The following ADGRV1 variants were observed in gnomAD, a reference collection of about 807,000 sequenced individuals.
ADGRV1 encodes the protein G-protein coupled receptor 98.
A neutral mutation model predicts 596.2 loss-of-function variants in ADGRV1; 359 were observed. The ratio of observed to expected loss-of-function variants is 0.60; its 90% CI spans 0.55 to 0.66. The LOEUF (loss-of-function observed/expected upper bound fraction) is 0.66. Among genes scored for constraint, ADGRV1 ranks in the 30% least tolerant of loss-of-function variants. ADGRV1 has a pLI of 0.00. For missense variants in ADGRV1, 7,274 were observed against 7,575.6 expected (o/e 0.96, Z 1.48); for synonymous variants, 2,681 against 2,679.2 (o/e 1.00, Z -0.02).
chr5:91,125,335 A>G (rs925715618), intron 87 of ADGRV1, among the ~76,000 whole-genome samples: 4 of 152,184 alleles, frequency 2.6e-5, no homozygotes, highest in African/African-American at 4.8e-5. Flanking sequence ...CATGCATTAT[A>G]ATATCATTTC....
intron 48 of ADGRV1, among the ~76,000 whole-genome samples, chr5:90,727,633 A>G (rs1188944059): frequency 6.6e-6 from 1 of 152,176 alleles, no homozygotes; most frequent in Non-Finnish European, 1.5e-5. Flanking sequence ...GGATAGCTAT[A>G]TTTCCTGATT....
chr5:90,772,740 A>G (rs1380007527), intron 59 of ADGRV1, among the ~76,000 whole-genome samples: 1 of 152,216 alleles, frequency 6.6e-6, no homozygotes, highest in Admixed American at 6.5e-5. Context: ...AGCACCTTGG[A>G]GAAATTACTG....
At chr5:90,689,130 A>G (rs1746115108) in intron 29 of ADGRV1, among the ~76,000 whole-genome samples, 1 of 152,148 alleles carries the variant, frequency 6.6e-6, no homozygotes, top group South Asian at 2.1e-4. Context: ...TAAAAAAATA[A>G]ATCATCTGGC....
At chr5:90,935,077 A>C (rs1158559501) in intron 83 of ADGRV1, among the ~76,000 whole-genome samples, 1 of 152,186 alleles carries the variant, frequency 6.6e-6, no homozygotes, top group Non-Finnish European at 1.5e-5. Flanking sequence ...AATCCATAAC[A>C]GTTTTGTTTT....
chr5:90,780,154 G>A (rs929780537), intron 64 of ADGRV1: 8 of 152,138 alleles, frequency 5.3e-5, no homozygotes, highest in Non-Finnish European at 1.2e-4. Flanking sequence ...TGACCAGCTA[G>A]AGCTTGAGGA....
chr5:90,561,615 T>C (rs1035529157), intron 1 of ADGRV1, among the ~76,000 whole-genome samples: 3 of 152,178 alleles, frequency 2.0e-5, no homozygotes, highest in Non-Finnish European at 4.4e-5. Flanking sequence ...GGGTTCAGCA[T>C]AGTGGTTAAC....
intron 50 of ADGRV1, among the ~76,000 whole-genome samples, chr5:90,734,944 G>T (rs1398364973): frequency 6.6e-6 from 1 of 152,204 alleles, no homozygotes; most frequent in Non-Finnish European, 1.5e-5. Flanking sequence ...TTATCAGATA[G>T]CTGTATGGGT....
At chr5:90,791,379 C>A in intron 70 of ADGRV1, 33 bp downstream of exon 70, 3 of 1,442,986 alleles carry the variant, frequency 2.1e-6, no homozygotes, top group South Asian at 2.7e-5. Flanking sequence ...CCTGATCATT[C>A]CAATAAAACC....
intron 84 of ADGRV1, among the ~76,000 whole-genome samples, chr5:90,976,060 A>G (rs1779546831): frequency 6.6e-6 from 1 of 151,510 alleles, no homozygotes; most frequent in Admixed American, 6.6e-5. Context: ...TTTTCTCACT[A>G]TTTCTTGCAT....
chr5:90,583,236 A>T (rs1758298708), intron 1 of ADGRV1, among the ~76,000 whole-genome samples: 2 of 152,136 alleles, frequency 1.3e-5, no homozygotes, highest in African/African-American at 4.8e-5. Flanking sequence ...TGATTAATAG[A>T]CTTTCCTGAA....
chr5:90,721,898 C>A (rs1751088741), intron 45 of ADGRV1, among the ~76,000 whole-genome samples: 1 of 152,084 alleles, frequency 6.6e-6, no homozygotes, highest in African/African-American at 2.4e-5. Context: ...AAAAAGCACA[C>A]ATAAGTGAAG....
chr5:90,635,406 C>A (rs749051532), intron 10 of ADGRV1, 116 bp downstream of exon 10: 3 of 871,004 alleles, frequency 3.4e-6, no homozygotes, highest in Non-Finnish European at 5.2e-6. Flanking sequence ...TCAGCATGTA[C>A]AAGAAGCCTT....
chr5:90,923,156 G>T lies in ADGRV1; in HGVS notation c.17857-42259G>T, dbSNP rs116303938. Among the ~76,000 whole-genome samples the T allele has an allele frequency of 4.2e-3, 644 of 152,212 alleles. 2 individuals carry two copies. Among genetic ancestry groups the T allele is most frequent in the African/African-American group, 0.015 (617 of 41,524 alleles). On this transcript the variant is annotated intron_variant, in intron 83 of 89. Coordinates refer to ENST00000405460, the MANE Select transcript of ADGRV1 (RefSeq NM_032119.4). ...AAACTTGTGAGCATTACATGAATGTGCATGCATCACATAATTTGGATAGGA... is the reference window on the plus strand; with the variant it reads ...AAACTTGTGAGCATTACATGAATGTTCATGCATCACATAATTTGGATAGGA...
chr5:91,028,850 T>C (rs1205527897), intron 85 of ADGRV1, among the ~76,000 whole-genome samples: 1 of 151,170 alleles, frequency 6.6e-6, no homozygotes, highest in African/African-American at 2.4e-5. Context: ...GGAGTCCTCT[T>C]GCATCAGCCT....
In ADGRV1 at chr5:90,910,217, A is replaced by G. The variant is rs557166224; in HGVS notation, c.17856+46360A>G. Among the ~76,000 whole-genome samples, 21 of 152,378 alleles carry G rather than the reference A, an allele frequency of 1.4e-4. No homozygotes were observed. In the East Asian group the frequency reaches 3.9e-3, roughly 28 times the overall value. ...AAGCTACTACTTGTGACGCAGTCAC[A>G]TGGAGGAGCTGATACTTGTGCTCCT... is the stretch of plus-strand genomic sequence containing the variant. On this transcript the variant is annotated intron_variant, in intron 83 of 89. Transcript: ENST00000405460.
intron 31 of ADGRV1, 78 bp downstream of exon 31, chr5:90,691,119 A>C (rs754691059): frequency 6.5e-7 from 1 of 1,542,954 alleles, no homozygotes. Context: ...GGCCATTGTA[A>C]CATTTTGGAG....
chr5:90,568,301 T>C (rs2656976), intron 1 of ADGRV1, among the ~76,000 whole-genome samples: 1 of 152,128 alleles, frequency 6.6e-6, no homozygotes. Context: ...CCATAAGTTT[T>C]GGTATGCTCT....
At chr5:90,913,446 C>G (rs924410285) in intron 83 of ADGRV1, among the ~76,000 whole-genome samples, 1 of 151,960 alleles carries the variant, frequency 6.6e-6, no homozygotes, top group African/African-American at 2.4e-5. Context: ...AGTTATCTAA[C>G]CAATTAGTTC....
At chr5:91,017,346 AC>A (rs1159978740) in intron 85 of ADGRV1, among the ~76,000 whole-genome samples, 1 of 151,160 alleles carries the variant, frequency 6.6e-6, no homozygotes, top group East Asian at 1.9e-4. Flanking sequence ...TAAAATAAGC[AC>A]CAAAAAAAAA....
Sources: allele counts gnomAD v4.1 joint callset (sites outside exome capture counted in the v4.1 genomes callset), GRCh38; gene constraint gnomAD v4.1.1; transcripts MANE v1.5; gene names NCBI Gene and HGNC (gene_info 2026-07-23, HGNC 2026-07-21).